Variants in ALPK2 observed in about 807,000 individuals in gnomAD.
ALPK2 encodes alpha-protein kinase 2.
ALPK2 carries 127 observed loss-of-function variants against 163.1 expected under a neutral mutation model. The observed-to-expected ratio is 0.78, with a 90% CI of 0.67 to 0.90. The LOEUF (loss-of-function observed/expected upper bound fraction) is 0.90. Among genes scored for constraint, ALPK2 ranks in the 40% least tolerant of loss-of-function variants. The pLI is 0.00. For missense variants in ALPK2, 2,360 were observed against 2,589.6 expected (o/e 0.91, Z 1.92); for synonymous variants, 953 against 959.1 (o/e 0.99, Z 0.12).
chr18:58,579,708 TA>T lies in ALPK2; in HGVS notation c.1067del (p.Leu356TyrfsTer2), dbSNP rs756508755. 8.7e-6 allele frequency: 14 copies of T among 1,613,980 alleles called. No homozygotes were observed. Among genetic ancestry groups the T allele is most frequent in the East Asian group, 2.2e-5 (1 of 44,884 alleles). The stretch of plus-strand genomic sequence containing the variant: ...CCATCTCTTCGTCATCGCTTTCTAA[TA>T]AAAAAACATGCTCAGTCCCCAGCAG... ...RNLLGTEHVF[L>X]LESDDEEMEF... On this transcript the variant is annotated frameshift_variant, in exon 4 of 13. Coordinates refer to ENST00000361673, the MANE Select transcript of ALPK2 (RefSeq NM_052947.4). LOFTEE classifies it high-confidence loss of function.
chr18:58,517,140 T>A lies in ALPK2; in HGVS notation c.5708A>T (p.Asp1903Val), dbSNP rs746962671. The A allele has an allele frequency of 5.6e-6, 9 of 1,614,170 alleles. No homozygotes were observed. The Admixed American group carries it at 1.2e-4, about 21-fold the overall frequency. The change falls in exon 9 of 13, where the codon GAC becomes GTC. Residue 1903 changes from aspartate to valine, a missense_variant. Coordinates refer to ENST00000361673, the MANE Select transcript of ALPK2 (RefSeq NM_052947.4). ...CCCAAAGTAGCTGTCATGGAGGAAG[T>A]CTTCTTTGAAGATGAGTTGGCTGAA... ...IEFSQLIFKE[D>V]FLHDSYFGGR...
At chr18:58,488,347 G>A (rs746462848) in intron 12 of ALPK2, among the ~76,000 whole-genome samples, 6 of 149,826 alleles carry the variant, frequency 4.0e-5, no homozygotes, top group South Asian at 2.2e-4. Context: ...GCTTAAGAAC[G>A]ATTCCTCTCT....
At chr18:58,572,882 A>G (rs1044306750) in intron 4 of ALPK2, among the ~76,000 whole-genome samples, 2 of 152,212 alleles carry the variant, frequency 1.3e-5, no homozygotes, top group African/African-American at 2.4e-5. Flanking sequence ...GGGAAATCCA[A>G]ATTACATCAG....
intron 12 of ALPK2, among the ~76,000 whole-genome samples, chr18:58,490,965 G>C (rs1235669914): frequency 6.6e-6 from 1 of 152,216 alleles, no homozygotes; most frequent in East Asian, 1.9e-4. Flanking sequence ...ATCTGAAATG[G>C]AAACGAATTG....
chr18:58,534,543 T>C (rs1445831829), intron 5 of ALPK2, among the ~76,000 whole-genome samples: 1 of 152,212 alleles, frequency 6.6e-6, no homozygotes, highest in African/African-American at 2.4e-5. Context: ...CAGACATGCC[T>C]ACAGGCGGCC....
intron 8 of ALPK2, among the ~76,000 whole-genome samples, chr18:58,522,849 A>G (rs898175432): frequency 1.3e-5 from 2 of 152,110 alleles, no homozygotes; most frequent in African/African-American, 4.8e-5. Context: ...TGAACTTACA[A>G]TAGGAAGTAT....
chr18:58,530,849 G>A (rs1349440926), intron 5 of ALPK2, among the ~76,000 whole-genome samples: 3 of 152,138 alleles, frequency 2.0e-5, no homozygotes, highest in African/African-American at 7.2e-5. Flanking sequence ...GAGGGAAAAC[G>A]GTAGTAAAGT....
intron 3 of ALPK2, among the ~76,000 whole-genome samples, chr18:58,603,066 T>C (rs1233153709): frequency 6.6e-6 from 1 of 152,234 alleles, no homozygotes; most frequent in East Asian, 1.9e-4. Flanking sequence ...TTGTTTAGCA[T>C]ATAATCAATA....
At chr18:58,568,382 C>A (rs2051867519) in intron 4 of ALPK2, among the ~76,000 whole-genome samples, 1 of 152,166 alleles carries the variant, frequency 6.6e-6, no homozygotes, top group Admixed American at 6.5e-5. Context: ...AGCTGTATAG[C>A]CTTTAGCTCT....
chr18:58,497,854 A>G (rs925685321), intron 12 of ALPK2, among the ~76,000 whole-genome samples, 195 bp downstream of exon 12: 1 of 152,250 alleles, frequency 6.6e-6, no homozygotes, highest in Admixed American at 6.5e-5. Context: ...GTTAAGAAAC[A>G]AATGTGCTCC....
At chr18:58,538,400 G>A in intron 4 of ALPK2, 176 bp from the exon 5 acceptor site, 1 of 610,662 alleles carries the variant, frequency 1.6e-6, no homozygotes, top group South Asian at 2.9e-5. Context: ...CTAGAAAACT[G>A]CAAATTTAAG....
At chr18:58,587,012 G>A (rs182595799) in intron 3 of ALPK2, among the ~76,000 whole-genome samples, 100 of 152,244 alleles carry the variant, frequency 6.6e-4, no homozygotes, top group African/African-American at 1.9e-3. Flanking sequence ...TTCTGAGCTC[G>A]CAGCTCTAAC....
Position 58,535,612 on chromosome 18 carries a change from C to T in ALPK2, c.4575G>A (p.Glu1525=), listed in dbSNP as rs200797611. The change falls in exon 5 of 13, where the codon GAG becomes GAA. Residue 1525 remains glutamate (E), a synonymous_variant. Coordinates refer to ENST00000361673, the MANE Select transcript of ALPK2 (RefSeq NM_052947.4). ...ESSDGSLGEA[E]QSKKDKAELI... ...ATTCTGCTTTGTCCTTTTTGCTTTG[C>T]TCAGCCTCCCCTAAGCTCCCATCAC... 2.6e-4 allele frequency: 423 copies of T among 1,614,174 alleles called. 2 individuals carry two copies. The South Asian group carries it at 3.3e-3, about 13-fold the overall frequency.
At position 58,536,471 on chromosome 18, in the gene ALPK2, A is replaced by G; in HGVS notation, c.3716T>C (p.Ile1239Thr). 6.2e-7 allele frequency: 1 copy of G among 1,614,084 alleles called. No individual in the cohort carries two copies. The highest frequency in any genetic ancestry group is 8.5e-7 in the Non-Finnish European group (1 of 1,180,040). Residue 1239 changes from isoleucine to threonine, a missense_variant, in exon 5 of 13, where the codon ATA becomes ACA. Transcript: ENST00000361673. ...TTCAGAAGCGGAAGCCTCTAGAGTT[A>G]TAATCTTCAGCTTGTTGCCTGCCTC... is the stretch of plus-strand genomic sequence containing the variant. ...NWEAGNKLKI[I>T]TLEASASEIW...
intron 4 of ALPK2, among the ~76,000 whole-genome samples, chr18:58,542,508 A>G (rs146836387): frequency 3.2e-4 from 48 of 152,370 alleles, no homozygotes; most frequent in African/African-American, 1.1e-3. Context: ...GCCTAGGTCC[A>G]ATCATAGAAA....
intron 1 of ALPK2, among the ~76,000 whole-genome samples, chr18:58,613,707 AAAATAATAATAAT>A (rs1307356240): frequency 1.0e-5 from 1 of 97,162 alleles, no homozygotes; most frequent in Non-Finnish European, 1.9e-5. Flanking sequence ...TCAAAAAAAA[AAAATAATAATAAT>A]AATAATAATA....
chr18:58,621,019 G>A (rs1383359383), intron 1 of ALPK2, among the ~76,000 whole-genome samples: 1 of 151,970 alleles, frequency 6.6e-6, no homozygotes, highest in Non-Finnish European at 1.5e-5. Flanking sequence ...AGCCGGGTGT[G>A]TCGCATGCCT....
rs1196833546 is a variant in ALPK2, at chr18:58,495,755, T to G, written c.6296+2294A>C. Among the ~76,000 whole-genome samples, 3 of 152,246 alleles carry G rather than the reference T, an allele frequency of 2.0e-5. No individual in the cohort carries two copies. The East Asian group carries it at 5.8e-4, about 29-fold the overall frequency. ...GACATGAGGAGCGAAGGGAAACTAATATTTATCTAGCTCACTTCCAGTTTC... is the reference window on the plus strand; with the variant it reads ...GACATGAGGAGCGAAGGGAAACTAAGATTTATCTAGCTCACTTCCAGTTTC... On this transcript the variant is annotated intron_variant, in intron 12 of 12. Transcript: ENST00000361673.
intron 4 of ALPK2, among the ~76,000 whole-genome samples, chr18:58,569,204 G>C (rs993955713): frequency 6.6e-6 from 1 of 152,148 alleles, no homozygotes; most frequent in African/African-American, 2.4e-5. Context: ...CCAGTCTTGG[G>C]GGGGAGAAAA....
Sources: allele counts gnomAD v4.1 joint callset (sites outside exome capture counted in the v4.1 genomes callset), GRCh38; gene constraint gnomAD v4.1.1; transcripts MANE v1.5; gene names NCBI Gene and HGNC (gene_info 2026-07-23, HGNC 2026-07-21).